The following APAF1 variants were observed in gnomAD, a reference collection of about 807,000 sequenced individuals.
The protein encoded by APAF1 is apoptotic peptidase activating factor 1, also known as apoptotic protease-activating factor 1.
In APAF1, 91 loss-of-function variants were observed where a neutral mutation model predicts 152.4. The observed-to-expected ratio is 0.60, with a 90% CI of 0.50 to 0.71. APAF1 has a LOEUF of 0.71. Ranked by LOEUF, APAF1 falls within the 30% of genes least tolerant of loss-of-function variation. APAF1 has a pLI of 0.00. For missense variants in APAF1, 1,283 were observed against 1,472.0 expected, an observed-to-expected ratio of 0.87 and a Z score of 2.10; for synonymous variants, 484 against 494.1, an observed-to-expected ratio of 0.98 and a Z score of 0.27.
chr12:98,648,723 GAT>G lies in APAF1; in HGVS notation c.240_241del (p.Tyr80Ter). ...TTCTACAATGCTCTACTACATGAAG[GAT>G]ATAAAGATCTTGCTGCCCTTCTCCA... On this transcript the variant is annotated frameshift_variant, in exon 3 of 27. Transcript: ENST00000551964. LOFTEE classifies it high-confidence loss of function. 2 of 1,613,838 alleles carry G rather than the reference GAT, an allele frequency of 1.2e-6. No homozygotes were observed. Among genetic ancestry groups the G allele is most frequent in the Non-Finnish European group, 1.7e-6 (2 of 1,179,802 alleles).
In APAF1 at chr12:98,734,101, T is replaced by G. The variant is rs977866014; in HGVS notation, c.*1535T>G. On this transcript the variant is annotated 3_prime_UTR_variant, in exon 27 of 27. Transcript: ENST00000551964. ...ACTTTTAGATGAATGGCATTGTGAA[T>G]GCCATTCTTTTAATGAATTTCAAGA... is the stretch of plus-strand genomic sequence containing the variant. The G allele has an allele frequency of 6.6e-6, 1 of 152,248 alleles. No individual in the cohort carries two copies. The highest frequency in any genetic ancestry group is 1.5e-5 in the Non-Finnish European group (1 of 68,044). The allele number at this position is 152,248 out of a possible 1,614,324, so 9.4% of individuals were successfully genotyped here. A position where few individuals can be genotyped will look rare whatever the true frequency, so the allele number is the denominator to read the frequency against.
chr12:98,677,400 C>T (rs2097687745), intron 12 of APAF1, 25 bp from the exon 13 acceptor site: 1 of 1,611,506 alleles, frequency 6.2e-7, no homozygotes, highest in African/African-American at 1.3e-5. Context: ...TATTTAATTT[C>T]TGTTCATTTT....
At chr12:98,661,010 C>T (rs919517599) in intron 5 of APAF1, among the ~76,000 whole-genome samples, 1 of 152,230 alleles carries the variant, frequency 6.6e-6, no homozygotes, top group Non-Finnish European at 1.5e-5. Flanking sequence ...TCAAGTGATT[C>T]TCCTGCCTCA....
At chr12:98,693,792 G>GTTTTTTTTTTTTT (rs546014793) in intron 16 of APAF1, among the ~76,000 whole-genome samples, 2 of 129,812 alleles carry the variant, frequency 1.5e-5, no homozygotes, top group Non-Finnish European at 1.7e-5. Context: ...TTGTTTTTCA[G>GTTTTTTTTTTTTT]TTTTTTTTTT....
chr12:98,727,368 T>C (rs770735404), intron 26 of APAF1, 52 bp downstream of exon 26: 6 of 1,599,280 alleles, frequency 3.8e-6, no homozygotes, highest in South Asian at 2.2e-5. Context: ...TATCATACTT[T>C]CCAAGCTATT....
At chr12:98,653,595 T>G (rs1311517512) in intron 4 of APAF1, among the ~76,000 whole-genome samples, 1 of 134,412 alleles carries the variant, frequency 7.4e-6, no homozygotes, top group Non-Finnish European at 1.5e-5. Context: ...AGGCAGAGGT[T>G]GCAGCGAGCC....
At chr12:98,719,002 C>T (rs1299885393) in intron 22 of APAF1, among the ~76,000 whole-genome samples, 1 of 152,140 alleles carries the variant, frequency 6.6e-6, no homozygotes, top group Non-Finnish European at 1.5e-5. Flanking sequence ...TTATTTCGAC[C>T]TTCTCTTTCC....
chr12:98,705,664 A>G (rs1355871644), intron 18 of APAF1, among the ~76,000 whole-genome samples: 2 of 152,244 alleles, frequency 1.3e-5, no homozygotes, highest in Non-Finnish European at 2.9e-5. Flanking sequence ...AGAACCCAGG[A>G]TAAAATACCA....
chr12:98,727,097 T>C, intron 25 of APAF1, 76 bp from the exon 26 acceptor site: 1 of 1,340,570 alleles, frequency 7.5e-7, no homozygotes, highest in South Asian at 1.2e-5. Context: ...TACATATATA[T>C]GGACATATAT....
intron 25 of APAF1, chr12:98,726,671 C>G (rs1432055214): frequency 6.5e-6 from 1 of 154,868 alleles, no homozygotes; most frequent in Non-Finnish European, 1.4e-5. Context: ...TGAAAGTGCT[C>G]CTTTCCCAGT....
At chr12:98,669,849 A>C (rs1039862784) in intron 10 of APAF1, among the ~76,000 whole-genome samples, 10 of 151,180 alleles carry the variant, frequency 6.6e-5, no homozygotes, top group South Asian at 2.1e-4. Context: ...GATTCTAGCT[A>C]ATCACCTCCT....
At chr12:98,678,504 G>A (rs1249575436) in intron 13 of APAF1, among the ~76,000 whole-genome samples, 2 of 152,232 alleles carry the variant, frequency 1.3e-5, no homozygotes, top group Admixed American at 6.5e-5. Context: ...GAGCAGGCCA[G>A]AGCCCTGCCC....
In APAF1 at chr12:98,723,760, C is replaced by A. The variant is rs1347613927; in HGVS notation, c.3326C>A (p.Ala1109Glu). Residue 1109 changes from alanine to glutamate, a missense_variant, in exon 24 of 27, where the codon GCA becomes GAA. Coordinates refer to ENST00000551964, the MANE Select transcript of APAF1 (RefSeq NM_181861.2). ...TCATCTACCTCTGCTGACAAGACTG[C>A]AAAGGTAGGTCAATCAATTGAAACC... The part of the protein sequence containing the change: ...KFSSTSADKT[A>E]KIWSFDLLLP... The A allele has an allele frequency of 6.8e-6, 11 of 1,613,676 alleles. No homozygotes were observed. The highest frequency in any genetic ancestry group is 9.3e-6 in the Non-Finnish European group (11 of 1,179,828).
intron 20 of APAF1, among the ~76,000 whole-genome samples, chr12:98,709,686 A>G (rs2097725760): frequency 6.6e-6 from 1 of 152,160 alleles, no homozygotes. Context: ...AAGTGTCAGC[A>G]TGTGGAGCTG....
chr12:98,652,074 C>T (rs1004568580), intron 4 of APAF1, among the ~76,000 whole-genome samples: 2 of 152,148 alleles, frequency 1.3e-5, no homozygotes, highest in Non-Finnish European at 2.9e-5. Flanking sequence ...CTTGGCCTCC[C>T]AAAGTGCTGG....
rs2097767592 is a variant in APAF1, at chr12:98,735,126, A to T, written c.*2560A>T. The stretch of plus-strand genomic sequence containing the variant: ...AGACAAGGTAACATGAAGAAAGAAG[A>T]GATACCTAGTATGATGGAGCTGCAA... On this transcript the variant is annotated 3_prime_UTR_variant, in exon 27 of 27. Transcript: ENST00000551964. 2 of 398,672 alleles carry T rather than the reference A, an allele frequency of 5.0e-6. No individual in the cohort carries two copies. Among genetic ancestry groups the T allele is most frequent in the Non-Finnish European group, 8.8e-6 (2 of 226,112 alleles). 24.7% of individuals were successfully genotyped at this position (398,672 alleles called of 1,614,324 possible). A position where few individuals can be genotyped will look rare whatever the true frequency, so the allele number is the denominator to read the frequency against.
chr12:98,689,829 A>T (rs370296466), intron 16 of APAF1, among the ~76,000 whole-genome samples: 1 of 152,118 alleles, frequency 6.6e-6, no homozygotes, highest in Admixed American at 6.5e-5. Context: ...ATATCTATCT[A>T]TATCTATAGG....
chr12:98,665,661 A>C lies in APAF1; in HGVS notation c.1064A>C (p.Lys355Thr), dbSNP rs763974517. The change falls in exon 8 of 27, where the codon AAA becomes ACA. Residue 355 changes from lysine to threonine, a missense_variant. By Grantham distance (78) the Lys-to-Thr change is moderately conservative. Transcript: ENST00000551964. ...LQNKQFKRIR[K>T]SSSYDYEALD... ...AATAAGCAGTTTAAGAGAATAAGGAAATCTTCGTCTTATGATTATGAGGCT... is the reference window on the plus strand; with the variant it reads ...AATAAGCAGTTTAAGAGAATAAGGACATCTTCGTCTTATGATTATGAGGCT... The C allele has an allele frequency of 2.5e-6, 4 of 1,613,900 alleles. No homozygotes were observed. In the African/African-American group the frequency reaches 5.3e-5, roughly 22 times the overall value.
intron 15 of APAF1, among the ~76,000 whole-genome samples, chr12:98,684,507 C>T (rs1353462376): frequency 6.8e-6 from 1 of 147,528 alleles, no homozygotes; most frequent in East Asian, 2.0e-4. Context: ...CTCCTCCCCC[C>T]ACCCCCCCTC....
Sources: allele counts gnomAD v4.1 joint callset (sites outside exome capture counted in the v4.1 genomes callset), GRCh38; gene constraint gnomAD v4.1.1; transcripts MANE v1.5; gene names NCBI Gene and HGNC (gene_info 2026-07-23, HGNC 2026-07-21).